The following RERG variants were observed in gnomAD, a reference collection of about 807,000 sequenced individuals.
RERG encodes the protein RAS like estrogen regulated growth inhibitor.
A neutral mutation model predicts 23.2 loss-of-function variants in RERG; 25 were observed. The ratio of observed to expected loss-of-function variants is 1.08; its 90% CI spans 0.79 to 1.50. The LOEUF (loss-of-function observed/expected upper bound fraction) is 1.50, where lower values mean the gene tolerates loss of function less well. RERG is among the 40% of genes most tolerant of loss of function. The pLI is 0.00. For synonymous variants in RERG, 81 were observed against 89.1 expected, an observed-to-expected ratio of 0.91 and a Z score of 0.51; for missense variants, 253 against 250.1, an observed-to-expected ratio of 1.01 and a Z score of -0.08.
chr12:15,137,534 C>T (rs1349276893), intron 2 of RERG, among the ~76,000 whole-genome samples: 1 of 151,102 alleles, frequency 6.6e-6, no homozygotes, highest in East Asian at 1.9e-4. Context: ...TTTATTATAT[C>T]GATTTTACTT....
At chr12:15,209,330 T>C (rs1465122008) in intron 2 of RERG, among the ~76,000 whole-genome samples, 3 of 152,200 alleles carry the variant, frequency 2.0e-5, no homozygotes, top group South Asian at 2.1e-4. Context: ...AAAAGAACAA[T>C]TGAATCCATC....
chr12:15,205,751 A>C (rs1865275158), intron 2 of RERG, among the ~76,000 whole-genome samples: 2 of 152,208 alleles, frequency 1.3e-5, no homozygotes, highest in South Asian at 4.1e-4. Context: ...TTTTTAAAAG[A>C]TTTAAAAAAC....
chr12:15,200,672 C>T (rs566734647), intron 2 of RERG, among the ~76,000 whole-genome samples: 2 of 151,900 alleles, frequency 1.3e-5, no homozygotes, highest in Non-Finnish European at 2.9e-5. Context: ...AAGAATAAAA[C>T]ACCCTCCTAT....
intron 2 of RERG, among the ~76,000 whole-genome samples, chr12:15,145,873 A>C (rs1282131848): frequency 6.6e-6 from 1 of 152,252 alleles, no homozygotes; most frequent in Admixed American, 6.5e-5. Context: ...AAATTAAGAT[A>C]GAAATTAGTT....
At chr12:15,208,217 CAA>C (rs1388708937) in intron 2 of RERG, among the ~76,000 whole-genome samples, 3 of 152,222 alleles carry the variant, frequency 2.0e-5, no homozygotes, top group South Asian at 2.1e-4. Flanking sequence ...CTGCCACAAT[CAA>C]AAGAGACAAT....
chr12:15,151,680 T>C (rs1202961104), intron 2 of RERG, among the ~76,000 whole-genome samples: 1 of 152,158 alleles, frequency 6.6e-6, no homozygotes. Context: ...TAGTAAATCA[T>C]CCACCAGAGG....
rs1863539175 is a variant in RERG, at chr12:15,108,491, A to G, written c.*619T>C. The G allele has an allele frequency of 1.3e-5, 2 of 152,638 alleles. No homozygotes were observed. The highest frequency in any genetic ancestry group is 4.8e-5 in the African/African-American group (2 of 41,454). The allele number at this position is 152,638 out of a possible 1,614,324, so 9.5% of individuals were successfully genotyped here. On this transcript the variant is annotated 3_prime_UTR_variant, in exon 5 of 5. Transcript: ENST00000256953. ...GCCAAGGAAGGAGAGTTAGGGTGTA[A>G]TGATCAATAGATCATTGAGAGAACC...
chr12:15,117,721 A>G (rs1427386219), intron 3 of RERG, among the ~76,000 whole-genome samples: 1 of 151,848 alleles, frequency 6.6e-6, no homozygotes, highest in East Asian at 1.9e-4. Flanking sequence ...ACAGGCACAC[A>G]CATTCTAAGC....
At chr12:15,158,752 G>A (rs988009372) in intron 2 of RERG, among the ~76,000 whole-genome samples, 1 of 152,138 alleles carries the variant, frequency 6.6e-6, no homozygotes, top group African/African-American at 2.4e-5. Flanking sequence ...GCTACAGAAC[G>A]ATGTGTGTCC....
In RERG at chr12:15,209,565, G is replaced by A. The variant is rs549564015; in HGVS notation, c.61+7864C>T. 3.3e-5 allele frequency among the ~76,000 whole-genome samples: 5 copies of A among 152,180 alleles called. No homozygotes were observed. The East Asian group carries it at 7.7e-4, about 23-fold the overall frequency. On this transcript the variant is annotated intron_variant, in intron 2 of 4. Transcript: ENST00000256953. ...TAAGAAATAGAATACTGCATTACAG[G>A]AGAACGCTCTTTTATATAAAAGTTG...
chr12:15,130,517 G>T (rs1421837185), intron 2 of RERG, among the ~76,000 whole-genome samples: 1 of 151,438 alleles, frequency 6.6e-6, no homozygotes, highest in East Asian at 1.9e-4. Flanking sequence ...TATTTCACCT[G>T]TCCTCTTTTT....
At chr12:15,220,881 T>C (rs187092625) in intron 1 of RERG, among the ~76,000 whole-genome samples, 1 of 152,328 alleles carries the variant, frequency 6.6e-6, no homozygotes, top group East Asian at 1.9e-4. Flanking sequence ...CTTGGCTATT[T>C]AATGTTGCTC....
At position 15,109,376 on chromosome 12, in the gene RERG, T is replaced by A. The variant is rs1367189391; in HGVS notation, c.334A>T (p.Thr112Ser). The change falls in exon 5 of 5, where the codon ACT becomes TCT. Residue 112 changes from threonine (T) to serine (S), a missense_variant. Coordinates refer to ENST00000256953, the MANE Select transcript of RERG (RefSeq NM_032918.3). ...LDEIKKPKNV[T>S]LILVGNKADL... Reference sequence around the variant, plus strand: ...GCTTTGTTTCCAACCAAGATGAGAGTCACATTCTTGGGCTTTTTGATCTCA... The same window carrying A: ...GCTTTGTTTCCAACCAAGATGAGAGACACATTCTTGGGCTTTTTGATCTCA... 4.3e-6 allele frequency: 7 copies of A among 1,613,928 alleles called. No homozygotes were observed. The highest frequency in any genetic ancestry group is 5.9e-6 in the Non-Finnish European group (7 of 1,179,984).
intron 2 of RERG, among the ~76,000 whole-genome samples, chr12:15,128,125 G>A (rs778186533): frequency 4.6e-5 from 7 of 151,936 alleles, no homozygotes; most frequent in African/African-American, 4.8e-5. Flanking sequence ...TAACGTGAGC[G>A]TACATCTTAT....
intron 2 of RERG, among the ~76,000 whole-genome samples, chr12:15,209,077 C>A (rs1865332342): frequency 6.6e-6 from 1 of 152,162 alleles, no homozygotes; most frequent in South Asian, 2.1e-4. Context: ...CATGGAGGAA[C>A]ACAAACAGCC....
intron 2 of RERG, among the ~76,000 whole-genome samples, chr12:15,199,081 T>C (rs1865183816): frequency 2.0e-5 from 3 of 152,134 alleles, no homozygotes; most frequent in Admixed American, 2.0e-4. Flanking sequence ...TTCACATCTG[T>C]TTCACATGCA....
At chr12:15,123,800 T>C (rs1418732799) in intron 2 of RERG, among the ~76,000 whole-genome samples, 3 of 152,062 alleles carry the variant, frequency 2.0e-5, no homozygotes, top group Non-Finnish European at 2.9e-5. Context: ...AATGGTGGTA[T>C]TGATTTAAGG....
chr12:15,161,162 GAAAGA>G (rs2136113434), intron 2 of RERG, among the ~76,000 whole-genome samples: 1 of 118,424 alleles, frequency 8.4e-6, no homozygotes, highest in African/African-American at 3.2e-5. Context: ...AAGAAAGAAA[GAAAGA>G]AAGAAAGAAA....
intron 2 of RERG, among the ~76,000 whole-genome samples, chr12:15,149,017 C>T (rs924381466): frequency 2.6e-5 from 4 of 151,348 alleles, no homozygotes; most frequent in Non-Finnish European, 4.4e-5. Context: ...TACAGGCGCC[C>T]GCCACCACGC....
Sources: allele counts gnomAD v4.1 joint callset (sites outside exome capture counted in the v4.1 genomes callset), GRCh38; gene constraint gnomAD v4.1.1; transcripts MANE v1.5; gene names NCBI Gene and HGNC (gene_info 2026-07-23, HGNC 2026-07-21).